CTNNA3: variants seen among roughly 807,000 people sequenced by gnomAD.
CTNNA3 encodes the protein catenin alpha-3.
CTNNA3 carries 76 observed loss-of-function variants against 95.7 expected under a neutral mutation model. The ratio of observed to expected loss-of-function variants is 0.79; its 90% CI spans 0.66 to 0.96. The LOEUF is 0.96. Ranked by LOEUF, CTNNA3 falls within the 40% of genes least tolerant of loss-of-function variation. CTNNA3 has a pLI of 0.00. For missense variants in CTNNA3, 1,191 were observed against 1,089.8 expected (o/e 1.09, Z -1.31); for synonymous variants, 431 against 374.4 (o/e 1.15, Z -1.74).
chr10:66,706,774 G>T (rs1304478344), intron 9 of CTNNA3, among the ~76,000 whole-genome samples: 1 of 151,926 alleles, frequency 6.6e-6, no homozygotes. Flanking sequence ...GGGGGAGGGG[G>T]TCACAACAGC....
At chr10:66,632,039 C>A (rs1845154667) in intron 9 of CTNNA3, among the ~76,000 whole-genome samples, 1 of 151,738 alleles carries the variant, frequency 6.6e-6, no homozygotes, top group Non-Finnish European at 1.5e-5. Context: ...GATATGTGTG[C>A]ATATCTATAG....
In CTNNA3 at chr10:67,726,453, T is replaced by TATA. The variant is rs1564841176; in HGVS notation, c.-2+36978_-2+36980dup. ...ATATCATATATAATATATAATATTA[T>TATA]ATATGATATATGATATAATATTATA... On this transcript the variant is annotated intron_variant, in intron 1 of 17. Coordinates refer to the CTNNA3 transcript ENST00000684154. Among the ~76,000 whole-genome samples, 229 of 63,776 alleles carry TATA rather than the reference T, an allele frequency of 3.6e-3. 4 individuals are homozygous for TATA. The highest frequency in any genetic ancestry group is 0.014 in the African/African-American group (215 of 15,194). The allele number at this position is 63,776 out of a possible 152,430, so 41.8% of individuals were successfully genotyped here.
intron 9 of CTNNA3, among the ~76,000 whole-genome samples, chr10:66,657,678 ATTT>A (rs1301215629): frequency 6.6e-6 from 1 of 152,158 alleles, no homozygotes; most frequent in African/African-American, 2.4e-5. Flanking sequence ...CTGCTTTATA[ATTT>A]TTATTTTATT....
At chr10:65,988,907 G>A in intron 15 of CTNNA3, 110 bp from the exon 16 acceptor site, 1 of 691,370 alleles carries the variant, frequency 1.4e-6, no homozygotes, top group South Asian at 1.9e-5. Flanking sequence ...ATCCGCATAT[G>A]TAAAATATTC....
At chr10:66,691,812 G>A (rs1284331584) in intron 9 of CTNNA3, among the ~76,000 whole-genome samples, 3 of 152,046 alleles carry the variant, frequency 2.0e-5, no homozygotes, top group Non-Finnish European at 2.9e-5. Flanking sequence ...ACAAAAATCC[G>A]CTGTTCTGCA....
At chr10:66,862,455 T>A (rs1424580068) in intron 7 of CTNNA3, among the ~76,000 whole-genome samples, 5 of 152,068 alleles carry the variant, frequency 3.3e-5, no homozygotes, top group African/African-American at 1.2e-4. Flanking sequence ...AGAGAGTGAC[T>A]AGGGCAGGGG....
At chr10:67,037,910 G>C (rs1208742268) in intron 7 of CTNNA3, among the ~76,000 whole-genome samples, 6 of 152,006 alleles carry the variant, frequency 3.9e-5, no homozygotes, top group Non-Finnish European at 7.4e-5. Flanking sequence ...GAAGGTCCAG[G>C]ACAGAAACCC....
At chr10:66,886,496 T>G (rs1845049820) in intron 7 of CTNNA3, among the ~76,000 whole-genome samples, 1 of 152,188 alleles carries the variant, frequency 6.6e-6, no homozygotes, top group African/African-American at 2.4e-5. Context: ...TACTCCCTCA[T>G]TCTGCCTACA....
intron 5 of CTNNA3, among the ~76,000 whole-genome samples, chr10:67,264,512 T>C (rs1189886493): frequency 6.6e-6 from 1 of 152,138 alleles, no homozygotes; most frequent in Non-Finnish European, 1.5e-5. Flanking sequence ...AGGATAAACA[T>C]GATTCACATT....
intron 12 of CTNNA3, among the ~76,000 whole-genome samples, chr10:66,346,277 A>G (rs1350916897): frequency 6.9e-6 from 1 of 145,652 alleles, no homozygotes; most frequent in Non-Finnish European, 1.5e-5. Flanking sequence ...AGAGAGAGAG[A>G]GAGAGAGAGA....
chr10:66,250,168 A>G (rs1376355796), intron 13 of CTNNA3, among the ~76,000 whole-genome samples: 8 of 152,324 alleles, frequency 5.3e-5, no homozygotes, highest in African/African-American at 1.7e-4. Flanking sequence ...AGTCAGGAAT[A>G]GAAAGATAAA....
chr10:66,671,058 A>G (rs539093298), intron 9 of CTNNA3, among the ~76,000 whole-genome samples: 1 of 152,290 alleles, frequency 6.6e-6, no homozygotes, highest in African/African-American at 2.4e-5. Context: ...TAAACAAAGG[A>G]GAGAGGATAT....
chr10:67,713,512 T>C (rs1483469761), intron 1 of CTNNA3, among the ~76,000 whole-genome samples: 1 of 152,162 alleles, frequency 6.6e-6, no homozygotes, highest in Non-Finnish European at 1.5e-5. Flanking sequence ...CTATTCACAA[T>C]AGCAAAGACT....
At chr10:67,039,361 G>A (rs1438337780) in intron 7 of CTNNA3, among the ~76,000 whole-genome samples, 2 of 152,068 alleles carry the variant, frequency 1.3e-5, no homozygotes, top group East Asian at 3.8e-4. Context: ...TTTTTCTGGA[G>A]ACAAACATTT....
chr10:66,314,549 C>CT (rs1244900592), intron 12 of CTNNA3, among the ~76,000 whole-genome samples: 1 of 151,986 alleles, frequency 6.6e-6, no homozygotes, highest in African/African-American at 2.4e-5. Flanking sequence ...AGAGAAAACT[C>CT]TAAGTTCAAA....
intron 1 of CTNNA3, among the ~76,000 whole-genome samples, chr10:67,667,478 A>G (rs1840351660): frequency 6.6e-6 from 1 of 152,196 alleles, no homozygotes; most frequent in Non-Finnish European, 1.5e-5. Context: ...GCAATTTCAA[A>G]GAGCAATCTC....
intron 5 of CTNNA3, among the ~76,000 whole-genome samples, chr10:67,336,360 T>C (rs74142490): frequency 0.018 from 2,723 of 152,298 alleles, 87 homozygotes; most frequent in African/African-American, 0.06. Flanking sequence ...CTCTTTTCAA[T>C]TCTATGAAGG....
chr10:66,387,254 A>G (rs2092900607), intron 11 of CTNNA3, among the ~76,000 whole-genome samples: 1 of 152,200 alleles, frequency 6.6e-6, no homozygotes, highest in Admixed American at 6.5e-5. Flanking sequence ...TTACTAGAAA[A>G]AAAAACAAGT....
At chr10:65,980,092 G>A (rs1189544207) in intron 16 of CTNNA3, among the ~76,000 whole-genome samples, 5 of 151,902 alleles carry the variant, frequency 3.3e-5, no homozygotes, top group African/African-American at 1.2e-4. Flanking sequence ...GATTAACGAA[G>A]AAAAGAAGAC....
Sources: gnomAD v4.1 joint callset for allele counts (sites outside exome capture counted in the v4.1 genomes callset) on GRCh38, gnomAD v4.1.1 for gene constraint, MANE v1.5 for transcripts, NCBI Gene and HGNC (gene_info 2026-07-23, HGNC 2026-07-21) for gene names.